DMD: variants seen among roughly 807,000 people sequenced by gnomAD.
DMD encodes the protein mutant dystrophin.
A neutral mutation model predicts 330.1 loss-of-function variants in DMD; 63 were observed. The observed-to-expected ratio is 0.19, with a 90% CI of 0.16 to 0.24. The LOEUF (loss-of-function observed/expected upper bound fraction) is 0.24, where lower values mean the gene tolerates loss of function less well. Ranked by LOEUF, DMD falls within the 10% of genes least tolerant of loss-of-function variation. DMD has a pLI of 1.00. For synonymous variants in DMD, 1,223 were observed against 959.8 expected, an observed-to-expected ratio of 1.27 and a Z score of -5.07; for missense variants, 3,344 against 2,684.1, an observed-to-expected ratio of 1.25 and a Z score of -5.43.
chrX:32,910,176 A>T (rs776616714), intron 2 of DMD, among the ~76,000 whole-genome samples: 2 of 111,842 alleles, frequency 1.8e-5, no homozygotes, highest in East Asian at 5.6e-4. Context: ...AAGCACAACA[A>T]ATGTCCTTCT....
At chrX:32,772,021 A>C (rs1297082477) in intron 7 of DMD, among the ~76,000 whole-genome samples, 1 of 112,041 alleles carries the variant, frequency 8.9e-6, no homozygotes, top group Non-Finnish European at 1.9e-5. Flanking sequence ...AGAAGGAAAC[A>C]CCTGAAACCG....
chrX:31,375,621 TAC>T, intron 60 of DMD, among the ~76,000 whole-genome samples: 1 of 111,523 alleles, frequency 9.0e-6, no homozygotes, highest in Non-Finnish European at 1.9e-5. Flanking sequence ...AAGGAACAAA[TAC>T]TGTATAATTC....
chrX:31,801,296 C>G (rs1347968363), intron 50 of DMD, among the ~76,000 whole-genome samples: 1 of 110,886 alleles, frequency 9.0e-6, no homozygotes, highest in Non-Finnish European at 1.9e-5. Flanking sequence ...ACCATCAGAT[C>G]TCATGAGAAC....
rs112728162 is a variant in DMD at position 33,041,386 on chromosome X, C to A, written c.32-21186G>T. ...TTCCGCCCCTCCTTCTCGCGGGGCT[C>A]GAGGGACCATGGCCGATCCTCGCGT... On this transcript the variant is annotated intron_variant, in intron 1 of 78. Transcript: ENST00000357033. 14 of 1,185,850 alleles carry A rather than the reference C, an allele frequency of 1.2e-5. No homozygotes were observed. In the African/African-American group the frequency reaches 2.1e-4, roughly 18 times the overall value.
intron 50 of DMD, among the ~76,000 whole-genome samples, chrX:31,819,433 C>T (rs1260087481): frequency 9.0e-6 from 1 of 111,415 alleles, no homozygotes; most frequent in East Asian, 2.8e-4. Flanking sequence ...CATACTTGTC[C>T]CTCTTCAGGA....
intron 44 of DMD, among the ~76,000 whole-genome samples, chrX:32,143,190 A>G (rs2147081945): frequency 9.0e-6 from 1 of 111,613 alleles, no homozygotes; most frequent in Admixed American, 9.6e-5. Context: ...AATATATTGA[A>G]TGGAATTAAA....
At chrX:33,064,742 A>G (rs2094627775) in intron 1 of DMD, among the ~76,000 whole-genome samples, 1 of 110,477 alleles carries the variant, frequency 9.1e-6, no homozygotes, top group Non-Finnish European at 1.9e-5. Flanking sequence ...CACAAAAATT[A>G]GCCGGGCATG....
intron 2 of DMD, among the ~76,000 whole-genome samples, chrX:32,899,855 CTTAT>C (rs944539713): frequency 1.8e-5 from 2 of 111,159 alleles, no homozygotes; most frequent in African/African-American, 3.3e-5. Flanking sequence ...AAGAGTTTGA[CTTAT>C]TTGTGGGTTT....
intron 2 of DMD, among the ~76,000 whole-genome samples, chrX:33,010,905 C>T (rs1373213374): frequency 9.0e-6 from 1 of 111,145 alleles, no homozygotes; most frequent in African/African-American, 3.3e-5. Flanking sequence ...GTTAGAAATC[C>T]GGATTCCTGG....
intron 42 of DMD, among the ~76,000 whole-genome samples, chrX:32,295,900 A>G (rs2097493542): frequency 8.9e-6 from 1 of 112,424 alleles, no homozygotes; most frequent in Non-Finnish European, 1.9e-5. Context: ...ACTTATGTGT[A>G]TAAATGTCAA....
At position 32,448,477 on chromosome X, in the gene DMD, A is replaced by G. The variant is rs757466547; in HGVS notation, c.3765T>C (p.Asn1255=). The change falls in exon 27 of 79, where the codon AAT becomes AAC. Residue 1255 remains asparagine, a synonymous_variant. Transcript: ENST00000357033. ...TGACTTCCAAAGTCTTGCATTTCCCATTCAGCCTAGTGCAGAGCCACTGGT... is the reference window on the plus strand; with the variant it reads ...TGACTTCCAAAGTCTTGCATTTCCCGTTCAGCCTAGTGCAGAGCCACTGGT... ...TNYQWLCTRL[N]GKCKTLEEVW... is the part of the protein sequence containing the mutation. 2 of 1,208,679 alleles carry G rather than the reference A, an allele frequency of 1.7e-6. No individual in the cohort carries two copies. Among genetic ancestry groups the G allele is most frequent in the Admixed American group, 2.2e-5 (1 of 45,877 alleles).
intron 2 of DMD, among the ~76,000 whole-genome samples, chrX:32,854,381 G>T (rs749633772): frequency 9.0e-6 from 1 of 110,907 alleles, no homozygotes; most frequent in Non-Finnish European, 1.9e-5. Flanking sequence ...TCAGTAATGA[G>T]GAATTTTGAA....
rs763001729 is a variant in DMD, at chrX:31,836,770, A to G, written c.7148T>C (p.Leu2383Ser). ...CTTGTACAAATGCTGCCCTTTAGAC[A>G]AAATCTCTTCCACATCCGGTTGTTT... ...QAKQPDVEEI[L>S]SKGQHLYKEK... Residue 2383 changes from leucine to serine, a missense_variant, in exon 49 of 79, where the codon TTG becomes TCG. Coordinates refer to ENST00000357033, the MANE Select transcript of DMD (RefSeq NM_004006.3). 1.7e-6 allele frequency: 2 copies of G among 1,211,951 alleles called. No individual in the cohort carries two copies. Among genetic ancestry groups the G allele is most frequent in the South Asian group, 3.5e-5 (2 of 57,028 alleles).
intron 7 of DMD, among the ~76,000 whole-genome samples, chrX:32,722,518 C>A (rs1282978431): frequency 9.1e-6 from 1 of 110,001 alleles, no homozygotes; most frequent in Non-Finnish European, 1.9e-5. Flanking sequence ...CCCGTGGATA[C>A]CAAGGGACAG....
chrX:32,625,820 G>C lies in DMD; in HGVS notation c.1332-11367C>G, dbSNP rs538519193. 4.5e-5 allele frequency among the ~76,000 whole-genome samples: 5 copies of C among 112,028 alleles called. No individual in the cohort carries two copies. The East Asian group carries it at 8.4e-4, about 19-fold the overall frequency. On this transcript the variant is annotated intron_variant, in intron 11 of 78. Coordinates refer to ENST00000357033, the MANE Select transcript of DMD (RefSeq NM_004006.3). ...TAAAACTTACAAATTACCAAGAGGT[G>C]TGAGCTCTTTAGGAAGACAGGCTCT...
chrX:31,520,702 C>T (rs754260386), intron 55 of DMD, among the ~76,000 whole-genome samples: 14 of 110,402 alleles, frequency 1.3e-4, no homozygotes, highest in South Asian at 3.9e-4. Context: ...TTTTTTGAGA[C>T]GGAGTCTTGC....
At chrX:32,799,026 A>G (rs2076362194) in intron 7 of DMD, among the ~76,000 whole-genome samples, 3 of 111,268 alleles carry the variant, frequency 2.7e-5, no homozygotes, top group African/African-American at 9.8e-5. Context: ...GAGGCCTTAA[A>G]AATATTCTTC....
At chrX:33,237,894 A>G (rs1185959050) in intron 1 of DMD, among the ~76,000 whole-genome samples, 1 of 112,203 alleles carries the variant, frequency 8.9e-6, no homozygotes, top group African/African-American at 3.2e-5. Context: ...TGCACAACAA[A>G]AGCTTAACAT....
chrX:33,117,568 CATATATTT>C (rs1208936489), intron 1 of DMD, among the ~76,000 whole-genome samples: 37 of 111,153 alleles, frequency 3.3e-4, no homozygotes, highest in African/African-American at 1.1e-3. Context: ...TGTTATAACA[CATATATTT>C]TATCTCATTT....
Sources: gnomAD v4.1 joint callset for allele counts (sites outside exome capture counted in the v4.1 genomes callset) on GRCh38, gnomAD v4.1.1 for gene constraint, MANE v1.5 for transcripts, NCBI Gene and HGNC (gene_info 2026-07-23, HGNC 2026-07-21) for gene names.